Variants in ALPK1 observed in about 807,000 individuals in gnomAD.
ALPK1 encodes alpha-protein kinase 1.
In ALPK1, 110 loss-of-function variants were observed where a neutral mutation model predicts 120.6. That is an observed-to-expected ratio of 0.91 (90% CI 0.78 to 1.07). ALPK1 has a LOEUF of 1.07. ALPK1 is among the 50% of genes least tolerant of loss of function. The pLI is 0.00. For missense variants in ALPK1, 1,498 were observed against 1,483.9 expected, an observed-to-expected ratio of 1.01 and a Z score of -0.16; for synonymous variants, 582 against 560.3, an observed-to-expected ratio of 1.04 and a Z score of -0.55.
intron 2 of ALPK1, among the ~76,000 whole-genome samples, chr4:112,348,757 A>T (rs564916051): frequency 7.2e-5 from 11 of 152,334 alleles, no homozygotes; most frequent in Admixed American, 7.2e-4. Context: ...ACACAGCCAC[A>T]TGGTGGACTT....
intron 2 of ALPK1, among the ~76,000 whole-genome samples, chr4:112,321,243 T>G (rs900269647): frequency 2.6e-5 from 4 of 152,184 alleles, no homozygotes; most frequent in African/African-American, 7.2e-5. Flanking sequence ...AATCTTTTCT[T>G]TTCTTGGTTA....
At chr4:112,429,051 T>C in intron 9 of ALPK1, 98 bp from the exon 10 acceptor site, 1 of 1,105,582 alleles carries the variant, frequency 9.0e-7, no homozygotes, top group South Asian at 1.2e-5. Flanking sequence ...AGGAGTCCCT[T>C]GAAATCATGA....
intron 13 of ALPK1, among the ~76,000 whole-genome samples, chr4:112,439,212 C>T (rs1486866): frequency 0.25 from 37,274 of 151,908 alleles, 5,456 homozygotes; most frequent in African/African-American, 0.41. Context: ...CATTTTTAGA[C>T]CCGTCTTTTC....
chr4:112,334,677 T>C (rs141888415), intron 2 of ALPK1, among the ~76,000 whole-genome samples: 158 of 152,224 alleles, frequency 1.0e-3, no homozygotes, highest in African/African-American at 3.6e-3. Flanking sequence ...CCAGGGGATA[T>C]AGGGGAAAGT....
At chr4:112,350,179 A>G (rs528952471) in intron 2 of ALPK1, among the ~76,000 whole-genome samples, 10 of 152,188 alleles carry the variant, frequency 6.6e-5, no homozygotes, top group Non-Finnish European at 1.2e-4. Flanking sequence ...CCATTACTCC[A>G]AGACAGATTG....
intron 2 of ALPK1, among the ~76,000 whole-genome samples, chr4:112,339,874 C>T (rs1729784328): frequency 6.6e-6 from 1 of 152,198 alleles, no homozygotes; most frequent in South Asian, 2.1e-4. Context: ...GCACTTGATC[C>T]TAATCAAAGG....
chr4:112,356,839 A>C, intron 2 of ALPK1: 1 of 731,082 alleles, frequency 1.4e-6, no homozygotes, highest in Non-Finnish European at 2.6e-6. Context: ...GCCGCAGAGC[A>C]CACAACATTG....
At chr4:112,370,794 T>A (rs999188016) in intron 2 of ALPK1, among the ~76,000 whole-genome samples, 3 of 152,260 alleles carry the variant, frequency 2.0e-5, no homozygotes, top group African/African-American at 7.2e-5. Flanking sequence ...ATGAAGAATG[T>A]CTTCAGTACA....
intron 3 of ALPK1, 115 bp downstream of exon 3, chr4:112,378,013 C>T: frequency 1.7e-6 from 2 of 1,207,676 alleles, no homozygotes; most frequent in Admixed American, 3.0e-5. Context: ...CAGATGACCA[C>T]CGAGAGATGA....
At position 112,432,427 on chromosome 4, in the gene ALPK1, A is replaced by G. The variant is rs1358598305; in HGVS notation, c.2880A>G (p.Ser960=). ...YLNSSGSSWV[S]LPGKMRKEIL... ...ATTCCAGTGGGAGTTCTTGGGTTTCATTGCCGGGAAAGATGAGGAAAGAGA... is the reference window on the plus strand; with the variant it reads ...ATTCCAGTGGGAGTTCTTGGGTTTCGTTGCCGGGAAAGATGAGGAAAGAGA... The change falls in exon 11 of 16, where the codon TCA becomes TCG. Residue 960 remains serine (S), a synonymous_variant. Transcript: ENST00000650871. 4 of 1,614,018 alleles carry G rather than the reference A, an allele frequency of 2.5e-6. No individual in the cohort carries two copies. The African/African-American group carries it at 4.0e-5, about 16-fold the overall frequency.
chr4:112,319,373 G>A (rs6839324), intron 2 of ALPK1, among the ~76,000 whole-genome samples: 12,603 of 152,182 alleles, frequency 0.083, 824 homozygotes, highest in Admixed American at 0.21. Context: ...AGGCTCTTTT[G>A]CATTAACAGT....
rs142364385 is a variant in ALPK1 at position 112,364,140 on chromosome 4, C to T, written c.-100-13538C>T. Among the ~76,000 whole-genome samples the T allele has an allele frequency of 2.0e-3, 300 of 152,082 alleles. 2 individuals carry two copies. The highest frequency in any genetic ancestry group is 6.8e-3 in the African/African-American group (283 of 41,490). ...AGCACAAATAGGCAATCTAAGGTCA[C>T]GCCTCAAGGAACTAGAGAAACTAGA... On this transcript the variant is annotated intron_variant, in intron 2 of 15. Transcript: ENST00000650871.
At chr4:112,435,053 G>A in intron 11 of ALPK1, 95 bp from the exon 12 acceptor site, 8 of 1,207,934 alleles carry the variant, frequency 6.6e-6, no homozygotes, top group Non-Finnish European at 9.5e-6. Context: ...AAGATTTCAG[G>A]TGAGCTGGCG....
intron 1 of ALPK1, among the ~76,000 whole-genome samples, chr4:112,308,600 A>G (rs1728234051): frequency 1.3e-5 from 2 of 152,200 alleles, no homozygotes; most frequent in Admixed American, 6.5e-5. Flanking sequence ...CAGCTCCATC[A>G]GGTCATTTAA....
chr4:112,379,046 T>A (rs981880125), intron 3 of ALPK1, among the ~76,000 whole-genome samples: 2 of 152,208 alleles, frequency 1.3e-5, no homozygotes, highest in African/African-American at 4.8e-5. Flanking sequence ...CTATAGAATA[T>A]GCTCTATGGC....
chr4:112,433,157 G>A (rs1208325052), intron 11 of ALPK1, among the ~76,000 whole-genome samples: 2 of 152,154 alleles, frequency 1.3e-5, no homozygotes, highest in African/African-American at 2.4e-5. Flanking sequence ...CCAATTGGTT[G>A]GTCAAGTGCA....
At chr4:112,351,408 G>C (rs1730346677) in intron 2 of ALPK1, among the ~76,000 whole-genome samples, 1 of 151,988 alleles carries the variant, frequency 6.6e-6, no homozygotes, top group Non-Finnish European at 1.5e-5. Flanking sequence ...ACATAGCAAA[G>C]ACCTTCATTT....
intron 4 of ALPK1, 55 bp from the exon 5 acceptor site, chr4:112,411,772 C>T: frequency 1.3e-6 from 2 of 1,537,224 alleles, no homozygotes; most frequent in South Asian, 1.2e-5. Flanking sequence ...TAAGCCTGGC[C>T]CTCAGCCTGC....
At chr4:112,312,806 A>G (rs1004054599) in intron 1 of ALPK1, among the ~76,000 whole-genome samples, 1 of 152,190 alleles carries the variant, frequency 6.6e-6, no homozygotes, top group African/African-American at 2.4e-5. Context: ...ACAGTGTCTC[A>G]ACACAGTTAT....
Sources: allele counts gnomAD v4.1 joint callset (sites outside exome capture counted in the v4.1 genomes callset), GRCh38; gene constraint gnomAD v4.1.1; transcripts MANE v1.5; gene names NCBI Gene and HGNC (gene_info 2026-07-23, HGNC 2026-07-21).